The following DAB1 variants were observed in gnomAD, a reference collection of about 807,000 sequenced individuals.
The protein encoded by DAB1 is DAB adaptor protein 1.
In DAB1, 15 loss-of-function variants were observed where a neutral mutation model predicts 64.6. The observed-to-expected ratio is 0.23, with a 90% CI of 0.16 to 0.36. DAB1 has a LOEUF of 0.36. DAB1 is among the 10% of genes least tolerant of loss of function. DAB1 has a pLI of 1.00. For missense variants in DAB1, 596 were observed against 706.7 expected, an observed-to-expected ratio of 0.84 and a Z score of 1.78; for synonymous variants, 235 against 251.9, an observed-to-expected ratio of 0.93 and a Z score of 0.64.
Position 57,327,058 on chromosome 1 carries a change from C to G in DAB1, c.-136-35892G>C, listed in dbSNP as rs149677937. Among the ~76,000 whole-genome samples, 1,054 of 152,246 alleles carry G rather than the reference C, an allele frequency of 6.9e-3. 17 individuals are homozygous for G. Among genetic ancestry groups the G allele is most frequent in the African/African-American group, 0.024 (990 of 41,536 alleles). Reference sequence around the variant, plus strand: ...GGCTCAAGTGATTCTCTGGCATCAGCCCCCTGAGTATCTGGGACTACAGGC... The same window carrying G: ...GGCTCAAGTGATTCTCTGGCATCAGGCCCCTGAGTATCTGGGACTACAGGC... On this transcript the variant is annotated intron_variant, in intron 1 of 14. Transcript: ENST00000371236.
chr1:58,091,970 A>AC lies in DAB1; in HGVS notation n.387+58540dup, dbSNP rs1557646457. Among the ~76,000 whole-genome samples, 1,088 of 151,218 alleles carry AC rather than the reference A, an allele frequency of 7.2e-3. 18 individuals carry two copies. The highest frequency in any genetic ancestry group is 0.023 in the African/African-American group (960 of 41,092). On this transcript the variant is annotated intron_variant and non_coding_transcript_variant, in intron 5 of 20. Coordinates refer to the DAB1 transcript ENST00000485760. The stretch of plus-strand genomic sequence containing the variant: ...CACACACACACACACACACACACAA[A>AC]CTAACATAGCTTAAGTAGCTTTAAG...
chr1:57,960,148 C>T (rs1319556746), intron 5 of DAB1, among the ~76,000 whole-genome samples: 4 of 152,114 alleles, frequency 2.6e-5, no homozygotes, highest in Non-Finnish European at 5.9e-5. Flanking sequence ...TTGTCTGGCA[C>T]GGGAAGCCCA....
chr1:57,512,835 A>G (rs1644420592), intron 7 of DAB1, among the ~76,000 whole-genome samples: 1 of 152,158 alleles, frequency 6.6e-6, no homozygotes, highest in Non-Finnish European at 1.5e-5. Flanking sequence ...TGGCATTCAG[A>G]CAGGCATCAT....
chr1:57,701,741 T>C (rs969717659), intron 6 of DAB1, among the ~76,000 whole-genome samples: 8 of 151,966 alleles, frequency 5.3e-5, no homozygotes, highest in Non-Finnish European at 1.2e-4. Context: ...AAAATAGTCT[T>C]CAAGTTCACT....
chr1:58,492,555 T>C (rs1206131614), intron 3 of DAB1, among the ~76,000 whole-genome samples: 2 of 151,830 alleles, frequency 1.3e-5, no homozygotes, highest in African/African-American at 4.8e-5. Flanking sequence ...AAGAATCAAA[T>C]AGACACAATA....
At chr1:57,944,999 T>A (rs149854986) in intron 5 of DAB1, among the ~76,000 whole-genome samples, 1 of 152,334 alleles carries the variant, frequency 6.6e-6, no homozygotes, top group African/African-American at 2.4e-5. Context: ...TGAAAAGGTC[T>A]TATAGGTACT....
intron 3 of DAB1, among the ~76,000 whole-genome samples, chr1:58,371,071 T>G (rs757444194): frequency 6.6e-6 from 1 of 152,044 alleles, no homozygotes; most frequent in African/African-American, 2.4e-5. Context: ...GATGGAACAG[T>G]TTGGAAGGCT....
intron 7 of DAB1, among the ~76,000 whole-genome samples, chr1:57,564,783 C>G (rs1278067131): frequency 2.0e-5 from 3 of 152,044 alleles, no homozygotes; most frequent in Non-Finnish European, 4.4e-5. Context: ...GTGTAAAGAC[C>G]AAATCTACGT....
chr1:57,666,639 C>A (rs766011796), intron 6 of DAB1, among the ~76,000 whole-genome samples: 16 of 152,104 alleles, frequency 1.1e-4, no homozygotes, highest in Admixed American at 6.6e-5. Context: ...TGATTTAAAT[C>A]TCACTTCTAA....
chr1:57,538,210 AT>A (rs921065113), intron 7 of DAB1, among the ~76,000 whole-genome samples: 1 of 152,132 alleles, frequency 6.6e-6, no homozygotes, highest in African/African-American at 2.4e-5. Flanking sequence ...CATTTTTTTA[AT>A]GTTTTCCTGG....
chr1:57,063,845 G>A (rs1229701641), intron 8 of DAB1, among the ~76,000 whole-genome samples: 1 of 152,160 alleles, frequency 6.6e-6, no homozygotes, highest in Non-Finnish European at 1.5e-5. Flanking sequence ...GTCAACCAAG[G>A]GTTTTCACTG....
At chr1:57,859,480 T>C (rs969362833) in intron 1 of DAB1, among the ~76,000 whole-genome samples, 6 of 152,152 alleles carry the variant, frequency 3.9e-5, no homozygotes, top group Non-Finnish European at 7.4e-5. Context: ...AAATAAATCA[T>C]AATATGCTCA....
chr1:58,490,217 C>T (rs1645655564), intron 3 of DAB1, among the ~76,000 whole-genome samples: 1 of 152,144 alleles, frequency 6.6e-6, no homozygotes, highest in Non-Finnish European at 1.5e-5. Flanking sequence ...GAATGACTAA[C>T]TAGAATAACC....
At position 57,850,780 on chromosome 1, in the gene DAB1, C is replaced by T. The variant is rs181219074; in HGVS notation, n.88-24325G>A. Among the ~76,000 whole-genome samples the T allele has an allele frequency of 2.5e-3, 378 of 152,268 alleles. 4 individuals are homozygous for T. The highest frequency in any genetic ancestry group is 4.6e-3 in the Non-Finnish European group (312 of 68,010). Reference sequence around the variant, plus strand: ...TCTTGCCTTCCAACATCATTTTTTTCCCATTTGACTGAGTGGTCTGACCTA... The same window carrying T: ...TCTTGCCTTCCAACATCATTTTTTTTCCATTTGACTGAGTGGTCTGACCTA... On this transcript the variant is annotated intron_variant and non_coding_transcript_variant, in intron 1 of 1. Coordinates refer to the DAB1 transcript ENST00000477280.
chr1:58,541,586 C>G (rs1245660934), intron 1 of DAB1: 1 of 112,944 alleles, frequency 8.9e-6, no homozygotes, highest in Admixed American at 1.3e-4. Context: ...CACTACACTC[C>G]GGCGTGGGCA....
chr1:58,326,436 C>G (rs1424347219), intron 4 of DAB1, among the ~76,000 whole-genome samples: 1 of 152,144 alleles, frequency 6.6e-6, no homozygotes, highest in East Asian at 1.9e-4. Flanking sequence ...TGCAGAAACC[C>G]CCATCGTGCA....
At chr1:58,203,064 A>G (rs1373845928) in intron 4 of DAB1, among the ~76,000 whole-genome samples, 1 of 152,214 alleles carries the variant, frequency 6.6e-6, no homozygotes, top group African/African-American at 2.4e-5. Flanking sequence ...AGGGAAAATC[A>G]GGTCAAGAAG....
At chr1:57,424,954 G>A (rs1189317803), upstream of DAB1, among the ~76,000 whole-genome samples, 1 of 152,220 alleles carries the variant, frequency 6.6e-6, no homozygotes, top group African/African-American at 2.4e-5. Context: ...TGTGCGGGAG[G>A]CGGCTCCAGC....
intron 6 of DAB1, among the ~76,000 whole-genome samples, chr1:57,721,472 T>G (rs1382974263): frequency 1.3e-5 from 2 of 152,194 alleles, no homozygotes; most frequent in Non-Finnish European, 1.5e-5. Flanking sequence ...TATTAACTCA[T>G]GAAATCCTCA....
Sources: gnomAD v4.1 joint callset for allele counts (sites outside exome capture counted in the v4.1 genomes callset) on GRCh38, gnomAD v4.1.1 for gene constraint, MANE v1.5 for transcripts, NCBI Gene and HGNC (gene_info 2026-07-23, HGNC 2026-07-21) for gene names.